SLC11A1: variants seen among roughly 807,000 people sequenced by gnomAD.
The protein encoded by SLC11A1 is solute carrier family 11 member 1.
In SLC11A1, 59 loss-of-function variants were observed where a neutral mutation model predicts 63.2. The ratio of observed to expected loss-of-function variants is 0.93; its 90% CI spans 0.76 to 1.16. SLC11A1 has a LOEUF of 1.16. Ranked by LOEUF, SLC11A1 falls within the 50% of genes most tolerant of loss-of-function variation. The pLI is 0.00. For synonymous variants in SLC11A1, 305 were observed against 307.8 expected (o/e 0.99, Z 0.09); for missense variants, 688 against 730.7 (o/e 0.94, Z 0.67).
In SLC11A1 at chr2:218,387,613, C is replaced by T. The variant is rs1335305504; in HGVS notation, c.620C>T (p.Ala207Val). 5 of 1,614,156 alleles carry T rather than the reference C, an allele frequency of 3.1e-6. No individual in the cohort carries two copies. Among genetic ancestry groups the T allele is most frequent in the Non-Finnish European group, 4.2e-6 (5 of 1,180,018 alleles). Reference sequence around the variant, plus strand: ...TTTGGACTCCTTATAACCATTATGGCCTTGACCTTTGGCTATGAGGTAGGA... The same window carrying T: ...TTTGGACTCCTTATAACCATTATGGTCTTGACCTTTGGCTATGAGGTAGGA... Reference protein sequence around the residue: ...AFFGLLITIMALTFGYEYVVA... With the variant: ...AFFGLLITIMVLTFGYEYVVA... The change falls in exon 7 of 15, where the codon GCC becomes GTC. Residue 207 changes from alanine to valine, a missense_variant. Transcript: ENST00000233202.
Position 218,384,172 on chromosome 2 carries a change from A to T in SLC11A1, c.151-71A>T. ...GAGCCTGTTGGGGCTCCTCTAGGGGATGGCCAAGGCCAGCTGCCACCATCC... is the reference window on the plus strand; with the variant it reads ...GAGCCTGTTGGGGCTCCTCTAGGGGTTGGCCAAGGCCAGCTGCCACCATCC... On this transcript the variant is annotated intron_variant, in intron 2 of 14. Coordinates refer to ENST00000233202, the MANE Select transcript of SLC11A1 (RefSeq NM_000578.4). The surrounding 1 kb of genome is among the most constrained non-coding windows in gnomAD (Gnocchi z 4.0). 1 of 1,478,454 alleles carries T rather than the reference A, an allele frequency of 6.8e-7. No homozygotes were observed. Among genetic ancestry groups the T allele is most frequent in the Non-Finnish European group, 9.1e-7 (1 of 1,098,484 alleles). The allele number at this position is 1,478,454 out of a possible 1,614,324, so 91.6% of individuals were successfully genotyped here. A position where few individuals can be genotyped will look rare whatever the true frequency, so the allele number is the denominator to read the frequency against.
rs1297288244 is a variant in SLC11A1, at chr2:218,387,819, A to G, written c.659A>G (p.Glu220Gly). Residue 220 changes from glutamate to glycine, a missense_variant, in exon 8 of 15, where the codon GAG (glutamate) becomes GGG (glycine). Coordinates refer to ENST00000233202, the MANE Select transcript of SLC11A1 (RefSeq NM_000578.4). ...FGYEYVVARP[E>G]QGALLRGLFL... is the part of the protein sequence containing the mutation. ...CTGCAGTATGTGGTGGCGCGTCCTGAGCAGGGAGCGCTTCTTCGGGGCCTG... is the reference window on the plus strand; with the variant it reads ...CTGCAGTATGTGGTGGCGCGTCCTGGGCAGGGAGCGCTTCTTCGGGGCCTG... 3 of 1,606,306 alleles carry G rather than the reference A, an allele frequency of 1.9e-6. No individual in the cohort carries two copies. Among genetic ancestry groups the G allele is most frequent in the Non-Finnish European group, 2.5e-6 (3 of 1,176,664 alleles).
chr2:218,393,031 C>A lies in SLC11A1; in HGVS notation c.1215C>A (p.Arg405=). 1 of 1,600,876 alleles carries A rather than the reference C, an allele frequency of 6.2e-7. No homozygotes were observed. Among genetic ancestry groups the A allele is most frequent in the African/African-American group, 1.3e-5 (1 of 74,654 alleles). ...WSRFARVLLT[R]SCAILPTVLV... ...GCTTCGCCCGTGTCCTCCTCACCCG[C>A]TCCTGCGCCATCCTGCCCACCGTGC... is the stretch of plus-strand genomic sequence containing the variant. Residue 405 remains arginine, a synonymous_variant, in exon 12 of 15, where the codon CGC becomes CGA. Coordinates refer to ENST00000233202, the MANE Select transcript of SLC11A1 (RefSeq NM_000578.4).
Position 218,395,979 on chromosome 2 carries a change from G to C in SLC11A1, c.*944G>C, listed in dbSNP as rs1347219593. On this transcript the variant is annotated 3_prime_UTR_variant, in exon 15 of 15. Transcript: ENST00000233202. Reference sequence around the variant, plus strand: ...GCACCAGGTCATAAGGAACCCAAGAGTCTGTGCCTCTGAGGCCCAAATTAT... The same window carrying C: ...GCACCAGGTCATAAGGAACCCAAGACTCTGTGCCTCTGAGGCCCAAATTAT... The C allele has an allele frequency of 1.3e-5, 2 of 152,410 alleles. No individual in the cohort carries two copies. Among genetic ancestry groups the C allele is most frequent in the African/African-American group, 4.8e-5 (2 of 41,480 alleles). 9.4% of individuals were successfully genotyped at this position (152,410 alleles called of 1,614,324 possible).
chr2:218,389,825 G>T (rs1180507692), intron 8 of SLC11A1, 45 bp from the exon 9 acceptor site: 1 of 1,569,724 alleles, frequency 6.4e-7, no homozygotes. Context: ...CACTGTGGTG[G>T]CTCTGAGGGA....
chr2:218,384,488 G>A lies in SLC11A1; in HGVS notation c.273+123G>A. On this transcript the variant is annotated intron_variant, in intron 3 of 14. Transcript: ENST00000233202. This position sits in a 1 kb window ranked among gnomAD's most constrained non-coding sequence, Gnocchi z 4.0. ...TGGGAGCTGGTGTTAAGTTCAAATG[G>A]GCCCGAAAAGGGTCCCCAGGGCAGC... The A allele has an allele frequency of 3.2e-6, 4 of 1,244,226 alleles. No individual in the cohort carries two copies. Among genetic ancestry groups the A allele is most frequent in the Non-Finnish European group, 4.4e-6 (4 of 915,638 alleles). 77.1% of individuals were successfully genotyped at this position (1,244,226 alleles called of 1,614,324 possible). A position where few individuals can be genotyped will look rare whatever the true frequency, so the allele number is the denominator to read the frequency against.
In SLC11A1 at chr2:218,394,093, A is replaced by G. The variant is rs747818683; in HGVS notation, c.1315-27A>G. On this transcript the variant is annotated intron_variant, in intron 12 of 14. Transcript: ENST00000233202. ...GCCATATTCTGAGGCAGAATTCCTC[A>G]GCCTAGGCTCCTGCTGCTCTCCCCA... 1.9e-5 allele frequency: 31 copies of G among 1,611,888 alleles called. No individual in the cohort carries two copies. The Admixed American group carries it at 2.0e-4, about 10-fold the overall frequency.
At chr2:218,388,183 C>T (rs1450298387) in intron 8 of SLC11A1, 2 of 517,474 alleles carry the variant, frequency 3.9e-6, no homozygotes, top group Admixed American at 7.6e-5. Flanking sequence ...TCCTGGTCAA[C>T]ATGGCGAAAC....
chr2:218,390,664 C>G (rs1329794241), intron 9 of SLC11A1, among the ~76,000 whole-genome samples: 1 of 151,974 alleles, frequency 6.6e-6, no homozygotes, highest in Admixed American at 6.6e-5. Flanking sequence ...GGGTCTCACT[C>G]TGTTCCTTGG....
chr2:218,386,866 C>T (rs756178525), intron 5 of SLC11A1, 125 bp downstream of exon 5: 65 of 737,878 alleles, frequency 8.8e-5, no homozygotes, highest in Middle Eastern at 2.5e-4. Flanking sequence ...AGGGCTGCTG[C>T]CCTGTTTTCC....
intron 9 of SLC11A1, among the ~76,000 whole-genome samples, chr2:218,390,954 G>A (rs958278029): frequency 2.0e-5 from 3 of 152,158 alleles, no homozygotes; most frequent in Non-Finnish European, 2.9e-5. Flanking sequence ...GGCTGAGGCA[G>A]ATGGCTCGCT....
At position 218,391,486 on chromosome 2, in the gene SLC11A1, C is replaced by G. The variant is rs141050730; in HGVS notation, c.1155C>G (p.Phe385Leu). The change falls in exon 11 of 15, where the codon TTC (phenylalanine) becomes TTG (leucine). Residue 385 changes from phenylalanine to leucine, a missense_variant. Coordinates refer to ENST00000233202, the MANE Select transcript of SLC11A1 (RefSeq NM_000578.4). The part of the protein sequence containing the change: ...STMTGTYAGQ[F>L]VMEGFLRLRW... ...TGACGGGCACCTACGCGGGACAGTTCGTGATGGAGGTAGGGCAGGGGGCGG... is the reference window on the plus strand; with the variant it reads ...TGACGGGCACCTACGCGGGACAGTTGGTGATGGAGGTAGGGCAGGGGGCGG... The G allele has an allele frequency of 2.1e-4, 337 of 1,596,166 alleles. 2 individuals are homozygous for G. The highest frequency in any genetic ancestry group is 3.4e-4 in the Middle Eastern group (2 of 5,864).
Position 218,394,773 on chromosome 2 carries a change from C to T in SLC11A1, c.1530C>T (p.Leu510=). 1 of 1,612,688 alleles carries T rather than the reference C, an allele frequency of 6.2e-7. No individual in the cohort carries two copies. The change falls in exon 14 of 15, where the codon CTC becomes CTT. Residue 510 remains leucine, a synonymous_variant. Transcript: ENST00000233202. ...AALLAAAYLG[L]STYLVWTCCL... is the part of the protein sequence containing the mutation. ...TGCTGGCCGCAGCCTACCTGGGCCT[C>T]AGCACCTACCTGGTACAGTAGGGCC... is the stretch of plus-strand genomic sequence containing the variant.
intron 7 of SLC11A1, 57 bp from the exon 8 acceptor site, chr2:218,387,743 T>C (rs867151169): frequency 6.2e-7 from 1 of 1,611,856 alleles, no homozygotes; most frequent in Non-Finnish European, 8.5e-7. Context: ...TGAGAAATGG[T>C]GACCGCGGCG....
chr2:218,384,167 AG>A lies in SLC11A1; in HGVS notation c.151-72del, dbSNP rs1559115624. On this transcript the variant is annotated intron_variant, in intron 2 of 14. Coordinates refer to ENST00000233202, the MANE Select transcript of SLC11A1 (RefSeq NM_000578.4). The surrounding 1 kb of genome is among the most constrained non-coding windows in gnomAD (Gnocchi z 4.0). ...CTGATGAGCCTGTTGGGGCTCCTCT[AG>A]GGGATGGCCAAGGCCAGCTGCCACC... The A allele has an allele frequency of 8.2e-6, 12 of 1,467,482 alleles. No homozygotes were observed. The highest frequency in any genetic ancestry group is 1.1e-5 in the Non-Finnish European group (12 of 1,090,464). The allele number at this position is 1,467,482 out of a possible 1,614,324, so 90.9% of individuals were successfully genotyped here. A position where few individuals can be genotyped will look rare whatever the true frequency, so the allele number is the denominator to read the frequency against.
chr2:218,389,841 G>T, intron 8 of SLC11A1, 29 bp from the exon 9 acceptor site: 1 of 1,587,152 alleles, frequency 6.3e-7, no homozygotes, highest in Non-Finnish European at 8.6e-7. Flanking sequence ...AGGGACTTTG[G>T]CACTTCCCTC....
chr2:218,389,119 T>C (rs947521984), intron 8 of SLC11A1, among the ~76,000 whole-genome samples: 1 of 150,926 alleles, frequency 6.6e-6, no homozygotes, highest in African/African-American at 2.4e-5. Context: ...ATAATAATAA[T>C]AATAATAATA....
chr2:218,385,070 G>C, intron 3 of SLC11A1, 77 bp from the exon 4 acceptor site: 1 of 1,593,724 alleles, frequency 6.3e-7, no homozygotes, highest in Non-Finnish European at 8.5e-7. Context: ...AGTATGCTTG[G>C]TTAGAGGGTA....
chr2:218,385,454 G>A (rs560189446), intron 4 of SLC11A1, 188 bp downstream of exon 4: 18 of 721,256 alleles, frequency 2.5e-5, no homozygotes, highest in East Asian at 1.3e-4. Flanking sequence ...GCAATGGTGC[G>A]ATGTCAGCTC....
Sources: gnomAD v4.1 joint callset for allele counts (sites outside exome capture counted in the v4.1 genomes callset) on GRCh38, gnomAD v4.1.1 for gene constraint, Gnocchi (gnomAD v3.1) non-coding constraint, MANE v1.5 for transcripts, NCBI Gene and HGNC (gene_info 2026-07-23, HGNC 2026-07-21) for gene names.